The following IQUB variants were observed in gnomAD, a reference collection of about 807,000 sequenced individuals.
The protein encoded by IQUB is IQ motif and ubiquitin-like domain-containing protein.
In IQUB, 86 loss-of-function variants were observed where a neutral mutation model predicts 86.4. The observed-to-expected ratio is 1.00, with a 90% CI of 0.84 to 1.19. The LOEUF (loss-of-function observed/expected upper bound fraction) is 1.19. Ranked by LOEUF, IQUB falls within the 50% of genes most tolerant of loss-of-function variation. The pLI is 0.00. For missense variants in IQUB, 946 were observed against 916.9 expected, an observed-to-expected ratio of 1.03 and a Z score of -0.41; for synonymous variants, 289 against 304.5, an observed-to-expected ratio of 0.95 and a Z score of 0.53.
At chr7:123,529,735 A>AAAAAAAAC (rs1797431393) in intron 1 of IQUB, among the ~76,000 whole-genome samples, 1 of 145,862 alleles carries the variant, frequency 6.9e-6, no homozygotes, top group Non-Finnish European at 1.5e-5. Context: ...AAAAAAAAAA[A>AAAAAAAAC]AAAAAAAAAA....
chr7:123,528,072 G>A (rs1049432468), intron 1 of IQUB, among the ~76,000 whole-genome samples: 4 of 152,114 alleles, frequency 2.6e-5, no homozygotes, highest in East Asian at 3.9e-4. Context: ...GGAGTGACCC[G>A]ATTTTCCAGG....
intron 1 of IQUB, among the ~76,000 whole-genome samples, chr7:123,513,731 C>G (rs1264016918): frequency 6.6e-6 from 1 of 152,198 alleles, no homozygotes; most frequent in Non-Finnish European, 1.5e-5. Context: ...TCACTGCAAA[C>G]TCCACCTCCC....
At chr7:123,513,809 C>G (rs991448686) in intron 1 of IQUB, among the ~76,000 whole-genome samples, 7 of 152,200 alleles carry the variant, frequency 4.6e-5, no homozygotes, top group African/African-American at 1.7e-4. Flanking sequence ...CTACCACACT[C>G]AGCTTATTTT....
intron 1 of IQUB, among the ~76,000 whole-genome samples, chr7:123,515,231 T>C (rs931339580): frequency 6.6e-6 from 1 of 152,064 alleles, no homozygotes; most frequent in African/African-American, 2.4e-5. Flanking sequence ...CCTAGCAACA[T>C]ATTAGCCAAC....
chr7:123,491,779 C>A (rs898572566), intron 7 of IQUB, among the ~76,000 whole-genome samples: 1 of 152,070 alleles, frequency 6.6e-6, no homozygotes, highest in South Asian at 2.1e-4. Context: ...TAATTCTACA[C>A]GAACTGTTTT....
At chr7:123,487,150 C>T (rs35220335) in intron 7 of IQUB, among the ~76,000 whole-genome samples, 8,598 of 152,184 alleles carry the variant, frequency 0.056, 345 homozygotes, top group Non-Finnish European at 0.087. Context: ...TCTCTCTCTT[C>T]CACCATATGA....
At chr7:123,530,116 C>A (rs1247912474) in intron 1 of IQUB, among the ~76,000 whole-genome samples, 1 of 152,078 alleles carries the variant, frequency 6.6e-6, no homozygotes, top group Non-Finnish European at 1.5e-5. Context: ...GGCTGAAACA[C>A]GGATCACTTG....
At position 123,502,996 on chromosome 7, in the gene IQUB, G is replaced by A; in HGVS notation, c.815C>T (p.Thr272Ile). The stretch of plus-strand genomic sequence containing the variant: ...TCTTTCGGGAATCCTTTTAGGTACA[G>A]TTTGTGTTCCAGCATTGTGATACTC... Reference protein sequence around the residue: ...GVEYHNAGTQTVPKRIPERLS... With the variant: ...GVEYHNAGTQIVPKRIPERLS... The change falls in exon 5 of 13, where the codon ACT becomes ATT. Residue 272 changes from threonine to isoleucine, a missense_variant. By Grantham distance (89) the Thr-to-Ile change is moderately conservative (BLOSUM62 -1). Coordinates refer to ENST00000324698, the MANE Select transcript of IQUB (RefSeq NM_178827.5). The A allele has an allele frequency of 6.2e-7, 1 of 1,613,050 alleles. No homozygotes were observed. The highest frequency in any genetic ancestry group is 8.5e-7 in the Non-Finnish European group (1 of 1,179,444).
intron 6 of IQUB, among the ~76,000 whole-genome samples, chr7:123,497,250 A>G (rs1795746689): frequency 6.6e-6 from 1 of 152,164 alleles, no homozygotes; most frequent in Non-Finnish European, 1.5e-5. Flanking sequence ...TAGTACCCTC[A>G]TGTGTAAAAC....
intron 1 of IQUB, among the ~76,000 whole-genome samples, chr7:123,513,087 A>C (rs953688116): frequency 7.9e-5 from 12 of 152,194 alleles, no homozygotes; most frequent in African/African-American, 2.7e-4. Flanking sequence ...CCAGATTTCT[A>C]TGGCAAAGGC....
intron 8 of IQUB, among the ~76,000 whole-genome samples, chr7:123,474,414 A>G (rs1202632562): frequency 6.6e-6 from 1 of 152,208 alleles, no homozygotes; most frequent in Non-Finnish European, 1.5e-5. Context: ...GTTTTATGAA[A>G]TCAACACTGA....
At chr7:123,489,660 A>T (rs1223632123) in intron 7 of IQUB, among the ~76,000 whole-genome samples, 1 of 151,904 alleles carries the variant, frequency 6.6e-6, no homozygotes, top group African/African-American at 2.4e-5. Flanking sequence ...AGAAGCTCTG[A>T]AAGAAAATTA....
chr7:123,477,457 CTT>C (rs1287714359), intron 8 of IQUB, among the ~76,000 whole-genome samples: 1 of 152,184 alleles, frequency 6.6e-6, no homozygotes, highest in African/African-American at 2.4e-5. Flanking sequence ...GGATTAAAGA[CTT>C]AAACGTTAGA....
intron 1 of IQUB, among the ~76,000 whole-genome samples, chr7:123,525,043 G>A (rs554206155): frequency 2.6e-5 from 4 of 152,302 alleles, no homozygotes; most frequent in South Asian, 4.2e-4. Flanking sequence ...GTATCCCAGG[G>A]ATGAAGCCCA....
intron 7 of IQUB, among the ~76,000 whole-genome samples, chr7:123,490,820 C>T (rs1248665303): frequency 2.0e-5 from 3 of 151,870 alleles, no homozygotes; most frequent in Non-Finnish European, 2.9e-5. Flanking sequence ...CAAAATTAGC[C>T]GGGTGTGGTG....
intron 11 of IQUB, among the ~76,000 whole-genome samples, 197 bp from the exon 12 acceptor site, chr7:123,457,763 C>T (rs1002303551): frequency 1.3e-5 from 2 of 151,910 alleles, no homozygotes; most frequent in African/African-American, 4.8e-5. Context: ...CTCACAGTTG[C>T]GTCCCCATCT....
chr7:123,517,403 C>T (rs912103518), intron 1 of IQUB, among the ~76,000 whole-genome samples: 6 of 151,384 alleles, frequency 4.0e-5, no homozygotes, highest in Non-Finnish European at 7.4e-5. Context: ...TTGTGGCAGG[C>T]GCCTGTAGTC....
intron 10 of IQUB, 70 bp downstream of exon 10, chr7:123,464,763 A>G: frequency 9.5e-7 from 1 of 1,055,520 alleles, no homozygotes; most frequent in African/African-American, 1.7e-5. Flanking sequence ...GCAAAATTTG[A>G]ATATACTTCA....
At chr7:123,514,964 T>C (rs10953981) in intron 1 of IQUB, among the ~76,000 whole-genome samples, 121,230 of 152,110 alleles carry the variant, frequency 0.8, 48,333 homozygotes, top group Admixed American at 0.82. Context: ...AATCTCACTA[T>C]AAGCAATAAA....
Sources: gnomAD v4.1 joint callset for allele counts (sites outside exome capture counted in the v4.1 genomes callset) on GRCh38, gnomAD v4.1.1 for gene constraint, MANE v1.5 for transcripts, NCBI Gene and HGNC (gene_info 2026-07-23, HGNC 2026-07-21) for gene names.